The following INPP4B variants were observed in gnomAD, a reference collection of about 807,000 sequenced individuals.
The protein encoded by INPP4B is inositol polyphosphate 4-phosphatase type II.
Under a neutral mutation model 122.5 loss-of-function variants are expected in INPP4B, and 55 were observed. The observed-to-expected ratio is 0.45, with a 90% CI of 0.36 to 0.56. INPP4B has a LOEUF of 0.56. INPP4B is among the 20% of genes least tolerant of loss of function. The pLI, the probability that INPP4B is intolerant of heterozygous loss-of-function variation, is 0.00. For missense variants in INPP4B, 1,000 were observed against 1,097.7 expected, an observed-to-expected ratio of 0.91 and a Z score of 1.26; for synonymous variants, 403 against 388.7, an observed-to-expected ratio of 1.04 and a Z score of -0.43.
intron 2 of INPP4B, among the ~76,000 whole-genome samples, chr4:142,464,295 G>T (rs1817307078): frequency 6.6e-6 from 1 of 152,140 alleles, no homozygotes; most frequent in African/African-American, 2.4e-5. Flanking sequence ...TTTATAAAAT[G>T]ATTTCATATT....
At chr4:142,095,279 G>C (rs1033560027) in intron 23 of INPP4B, among the ~76,000 whole-genome samples, 14 of 152,160 alleles carry the variant, frequency 9.2e-5, no homozygotes, top group African/African-American at 3.4e-4. Context: ...GGTTCAGGGA[G>C]GAGGAGAATG....
chr4:142,254,786 T>C lies in INPP4B; in HGVS notation c.688+5706A>G, dbSNP rs1734741990. ...CCAAGGTGGAAAACACTCTGCAGGATATTATCCAGGAGAACTTCCCCAATC... is the reference window on the plus strand; with the variant it reads ...CCAAGGTGGAAAACACTCTGCAGGACATTATCCAGGAGAACTTCCCCAATC... On this transcript the variant is annotated intron_variant, in intron 11 of 25. Coordinates refer to ENST00000262992, the MANE Select transcript of INPP4B (RefSeq NM_001101669.3). 2.0e-5 allele frequency among the ~76,000 whole-genome samples: 3 copies of C among 152,146 alleles called. No individual in the cohort carries two copies. The South Asian group carries it at 6.2e-4, about 32-fold the overall frequency.
chr4:142,595,763 C>T lies in INPP4B; in HGVS notation c.-191+130076G>A, dbSNP rs546910643. Among the ~76,000 whole-genome samples, 8 of 152,284 alleles carry T rather than the reference C, an allele frequency of 5.3e-5. No individual in the cohort carries two copies. In the South Asian group the frequency reaches 1.5e-3, roughly 28 times the overall value. ...TTGCTCTTCACAGCAGGAGCTTTCC[C>T]TGCATTTTTGGTCACTTAGCATCAT... On this transcript the variant is annotated intron_variant, in intron 2 of 25. Transcript: ENST00000262992.
intron 3 of INPP4B, among the ~76,000 whole-genome samples, chr4:142,435,177 A>T (rs1175882049): frequency 6.6e-6 from 1 of 152,188 alleles, no homozygotes; most frequent in East Asian, 1.9e-4. Context: ...TAGGAAAAGA[A>T]GCAGGGAAAA....
intron 18 of INPP4B, among the ~76,000 whole-genome samples, chr4:142,125,913 G>C (rs890861323): frequency 1.3e-5 from 2 of 152,106 alleles, no homozygotes; most frequent in South Asian, 2.1e-4. Context: ...AATATAAAAA[G>C]TTTTAAAGAT....
intron 2 of INPP4B, among the ~76,000 whole-genome samples, chr4:142,611,637 C>CTTTTTTT (rs34482115): frequency 3.7e-3 from 243 of 65,258 alleles, no homozygotes; most frequent in Non-Finnish European, 4.5e-3. Flanking sequence ...TTTCTTTTTT[C>CTTTTTTT]TTTTTTTTTT....
chr4:142,247,759 T>C (rs1044424295), intron 11 of INPP4B, among the ~76,000 whole-genome samples: 1 of 152,166 alleles, frequency 6.6e-6, no homozygotes, highest in Non-Finnish European at 1.5e-5. Flanking sequence ...ATTCACTGAC[T>C]TTTGGAAGGG....
chr4:142,529,504 C>T lies in INPP4B; in HGVS notation c.-190-66778G>A, dbSNP rs368048168. Among the ~76,000 whole-genome samples the T allele has an allele frequency of 9.7e-4, 147 of 151,714 alleles. 1 individual carries two copies. The South Asian group carries it at 0.03, about 31-fold the overall frequency. ...ATCATGATTCTTCTCATGAAGAATG[C>T]TTTTAAAAATGTAGCTATTTTCATA... On this transcript the variant is annotated intron_variant, in intron 2 of 25. Transcript: ENST00000262992.
chr4:142,837,237 C>T (rs1031243330), intron 1 of INPP4B, among the ~76,000 whole-genome samples: 13 of 151,880 alleles, frequency 8.6e-5, no homozygotes, highest in Non-Finnish European at 4.4e-5. Context: ...TATGAATTAG[C>T]ACTACAAAAT....
intron 16 of INPP4B, among the ~76,000 whole-genome samples, chr4:142,161,335 A>T (rs1384165559): frequency 1.3e-5 from 2 of 152,018 alleles, no homozygotes; most frequent in African/African-American, 2.4e-5. Flanking sequence ...AATGTTTAAC[A>T]GTTTCACCCT....
intron 7 of INPP4B, among the ~76,000 whole-genome samples, chr4:142,322,426 C>T (rs1056257523): frequency 6.6e-6 from 1 of 152,100 alleles, no homozygotes; most frequent in Admixed American, 6.6e-5. Flanking sequence ...AACTCACATG[C>T]CCACAGGCTC....
At chr4:142,311,570 T>C (rs1033189026) in intron 8 of INPP4B, among the ~76,000 whole-genome samples, 2 of 152,150 alleles carry the variant, frequency 1.3e-5, no homozygotes, top group Non-Finnish European at 2.9e-5. Context: ...ATATTAGAAA[T>C]AGAGACTTTG....
At chr4:142,486,181 T>G (rs916198732) in intron 2 of INPP4B, among the ~76,000 whole-genome samples, 9 of 152,168 alleles carry the variant, frequency 5.9e-5, no homozygotes, top group Non-Finnish European at 1.3e-4. Context: ...AGAAATAAAC[T>G]TATATTCCAA....
chr4:142,828,302 C>T (rs1448727841), intron 1 of INPP4B, among the ~76,000 whole-genome samples: 1 of 151,964 alleles, frequency 6.6e-6, no homozygotes, highest in African/African-American at 2.4e-5. Flanking sequence ...ATGACCTGAG[C>T]CCCATATAGC....
intron 2 of INPP4B, among the ~76,000 whole-genome samples, chr4:142,494,159 C>T (rs1822228285): frequency 6.6e-6 from 1 of 152,146 alleles, no homozygotes; most frequent in Non-Finnish European, 1.5e-5. Flanking sequence ...TCATGCTGAA[C>T]TGTGAGTCAA....
intron 10 of INPP4B, among the ~76,000 whole-genome samples, chr4:142,266,555 A>G (rs1455287639): frequency 1.3e-5 from 2 of 152,204 alleles, no homozygotes; most frequent in Non-Finnish European, 2.9e-5. Flanking sequence ...AAAATCAAAC[A>G]TGCTCCAAGA....
chr4:142,737,508 C>T (rs1201744430), intron 1 of INPP4B, among the ~76,000 whole-genome samples: 1 of 151,966 alleles, frequency 6.6e-6, no homozygotes, highest in Admixed American at 6.6e-5. Context: ...CCATAAAAAC[C>T]CTAGAAGAAA....
chr4:142,625,140 G>C (rs1365249191), intron 2 of INPP4B, among the ~76,000 whole-genome samples: 1 of 149,866 alleles, frequency 6.7e-6, no homozygotes, highest in Non-Finnish European at 1.5e-5. Context: ...AGGGCAATTA[G>C]GCAGGAGAAG....
intron 12 of INPP4B, among the ~76,000 whole-genome samples, chr4:142,236,169 T>C (rs907108829): frequency 6.6e-6 from 1 of 152,222 alleles, no homozygotes; most frequent in Admixed American, 6.5e-5. Context: ...CTAGCTACTG[T>C]CTTCAACCCT....
Sources: gnomAD v4.1 joint callset for allele counts (sites outside exome capture counted in the v4.1 genomes callset) on GRCh38, gnomAD v4.1.1 for gene constraint, MANE v1.5 for transcripts, NCBI Gene and HGNC (gene_info 2026-07-23, HGNC 2026-07-21) for gene names.